SLC5A8: variants seen among roughly 807,000 people sequenced by gnomAD.
SLC5A8 encodes the protein solute carrier family 5 member 8.
In SLC5A8, 55 loss-of-function variants were observed where a neutral mutation model predicts 71.9. That is an observed-to-expected ratio of 0.77 (90% CI 0.62 to 0.96). The LOEUF is 0.96. Among genes scored for constraint, SLC5A8 ranks in the 40% least tolerant of loss-of-function variants. The pLI, the probability that SLC5A8 is intolerant of heterozygous loss-of-function variation, is 0.00. For missense variants in SLC5A8, 701 were observed against 745.3 expected, an observed-to-expected ratio of 0.94 and a Z score of 0.69; for synonymous variants, 307 against 276.1, an observed-to-expected ratio of 1.11 and a Z score of -1.11.
At chr12:101,168,285 T>C (rs1222244985) in intron 10 of SLC5A8, 103 bp from the exon 11 acceptor site, 60 of 1,104,874 alleles carry the variant, frequency 5.4e-5, no homozygotes, top group Non-Finnish European at 7.7e-6. Flanking sequence ...TCGGCCTCCT[T>C]CTGAAAATCA....
At chr12:101,207,420 G>A (rs1227629643) in intron 1 of SLC5A8, among the ~76,000 whole-genome samples, 2 of 152,226 alleles carry the variant, frequency 1.3e-5, no homozygotes, top group African/African-American at 4.8e-5. Context: ...GATAATGTAT[G>A]TAAAACATGC....
At chr12:101,190,923 T>C (rs1868879925) in intron 5 of SLC5A8, among the ~76,000 whole-genome samples, 1 of 152,106 alleles carries the variant, frequency 6.6e-6, no homozygotes, top group Non-Finnish European at 1.5e-5. Context: ...TCTGACATGA[T>C]ATAATCAGAG....
intron 10 of SLC5A8, among the ~76,000 whole-genome samples, chr12:101,172,236 C>A (rs2051836672): frequency 1.3e-5 from 2 of 151,124 alleles, no homozygotes; most frequent in African/African-American, 4.9e-5. Context: ...GCAAATATAC[C>A]AGTAAAGGTC....
At chr12:101,174,019 G>T (rs749854526) in intron 10 of SLC5A8, among the ~76,000 whole-genome samples, 1 of 152,152 alleles carries the variant, frequency 6.6e-6, no homozygotes, top group Non-Finnish European at 1.5e-5. Context: ...TTTCACAACA[G>T]AGGCACAGAC....
intron 10 of SLC5A8, among the ~76,000 whole-genome samples, chr12:101,174,625 G>C (rs1228011268): frequency 2.0e-5 from 3 of 152,112 alleles, no homozygotes; most frequent in Non-Finnish European, 4.4e-5. Context: ...GGAAATCCCT[G>C]AGCCAGGGTT....
chr12:101,174,972 G>A (rs975269625), intron 10 of SLC5A8, among the ~76,000 whole-genome samples: 3 of 151,794 alleles, frequency 2.0e-5, no homozygotes, highest in South Asian at 2.1e-4. Context: ...AAAGATTACA[G>A]AAACAGAATT....
intron 10 of SLC5A8, among the ~76,000 whole-genome samples, chr12:101,168,729 T>C (rs560711537): frequency 6.6e-6 from 1 of 152,352 alleles, no homozygotes; most frequent in Non-Finnish European, 1.5e-5. Context: ...ACTGCAACCT[T>C]TGCTTTGATG....
At chr12:101,204,189 TG>T (rs1237700391) in intron 2 of SLC5A8, among the ~76,000 whole-genome samples, 6 of 152,254 alleles carry the variant, frequency 3.9e-5, no homozygotes, top group Non-Finnish European at 8.8e-5. Context: ...CATGTAGTAA[TG>T]CCCTTCCTGT....
intron 12 of SLC5A8, among the ~76,000 whole-genome samples, chr12:101,164,603 C>T (rs946502516): frequency 2.5e-4 from 38 of 152,010 alleles, no homozygotes; most frequent in African/African-American, 9.2e-4. Flanking sequence ...GCTTTTGCAC[C>T]GGTCGTTTCT....
At chr12:101,208,823 A>G (rs1360270129) in intron 1 of SLC5A8, among the ~76,000 whole-genome samples, 1 of 152,170 alleles carries the variant, frequency 6.6e-6, no homozygotes, top group Non-Finnish European at 1.5e-5. Context: ...TCTAAATGCT[A>G]CACCTTGCAT....
intron 2 of SLC5A8, among the ~76,000 whole-genome samples, chr12:101,202,813 A>C (rs924626135): frequency 6.6e-6 from 1 of 152,186 alleles, no homozygotes; most frequent in African/African-American, 2.4e-5. Flanking sequence ...GTAGTGAGTA[A>C]GATAAATACG....
rs1312106966 is a variant in SLC5A8, at chr12:101,183,098, T to C, written c.1053-183A>G. On this transcript the variant is annotated intron_variant, in intron 8 of 14. Coordinates refer to ENST00000536262, the MANE Select transcript of SLC5A8 (RefSeq NM_145913.5). ...TCTCGCTCTGTCGCCCAGGCTGGAGTGCAATGGCATGATCTCGACTCACTG... is the reference window on the plus strand; with the variant it reads ...TCTCGCTCTGTCGCCCAGGCTGGAGCGCAATGGCATGATCTCGACTCACTG... Among the ~76,000 whole-genome samples, 8 of 128,884 alleles carry C rather than the reference T, an allele frequency of 6.2e-5. No individual in the cohort carries two copies. In the Admixed American group the frequency reaches 7.8e-4, roughly 12 times the overall value. The allele number at this position is 128,884 out of a possible 152,430, so 84.6% of individuals were successfully genotyped here.
intron 11 of SLC5A8, 145 bp downstream of exon 11, chr12:101,167,951 C>T: frequency 1.3e-6 from 1 of 794,748 alleles, no homozygotes; most frequent in East Asian, 2.7e-5. Flanking sequence ...TCCTTGTACA[C>T]TCCACCAAAG....
rs1158781015 is a variant in SLC5A8, at chr12:101,209,697, C to G, written c.152G>C (p.Arg51Thr). The G allele has an allele frequency of 6.2e-7, 1 of 1,613,480 alleles. No homozygotes were observed. Among genetic ancestry groups the G allele is most frequent in the East Asian group, 2.2e-5 (1 of 44,866 alleles). The part of the protein sequence containing the change: ...TSKDFLMGGR[R>T]MTAVPVALSL... ...CAGCGCCACGGGCACTGCGGTCATT[C>G]TGCGGCCGCCCATCAGGAAGTCCTT... is the stretch of plus-strand genomic sequence containing the variant. The change falls in exon 1 of 15, where the codon AGA (arginine) becomes ACA (threonine). Residue 51 changes from arginine to threonine, a missense_variant. Physicochemically the swap from Arg to Thr is moderately conservative, Grantham distance 71. Coordinates refer to ENST00000536262, the MANE Select transcript of SLC5A8 (RefSeq NM_145913.5).
chr12:101,190,618 A>G lies in SLC5A8; in HGVS notation c.693-10T>C. 2 of 1,589,918 alleles carry G rather than the reference A, an allele frequency of 1.3e-6. No individual in the cohort carries two copies. Among genetic ancestry groups the G allele is most frequent in the African/African-American group, 1.4e-5 (1 of 73,508 alleles). ...AGGGTTAGGATTAAAACTAAATGAC[A>G]AGAAACAGAAAACAAATCTGAACTA... On this transcript the variant is annotated splice_polypyrimidine_tract_variant and intron_variant, in intron 5 of 14. Coordinates refer to ENST00000536262, the MANE Select transcript of SLC5A8 (RefSeq NM_145913.5).
intron 3 of SLC5A8, among the ~76,000 whole-genome samples, chr12:101,201,740 T>C (rs1025796597): frequency 6.6e-6 from 1 of 152,170 alleles, no homozygotes; most frequent in Non-Finnish European, 1.5e-5. Context: ...TTGGGCCTTA[T>C]TAGAAGTGTG....
chr12:101,197,274 G>A (rs541077968), intron 3 of SLC5A8, among the ~76,000 whole-genome samples: 1 of 152,218 alleles, frequency 6.6e-6, no homozygotes, highest in South Asian at 2.1e-4. Context: ...TCTAACTAAT[G>A]AAGAAGAATT....
At chr12:101,161,882 A>T (rs1306944409) in intron 13 of SLC5A8, 92 bp downstream of exon 13, 3 of 923,430 alleles carry the variant, frequency 3.2e-6, no homozygotes, top group Non-Finnish European at 5.1e-6. Flanking sequence ...TGGCAATAGG[A>T]TCATAGTAAA....
chr12:101,205,961 G>A (rs544425067), intron 1 of SLC5A8, among the ~76,000 whole-genome samples: 2 of 152,284 alleles, frequency 1.3e-5, no homozygotes, highest in South Asian at 4.1e-4. Flanking sequence ...TAGTACACTG[G>A]AGGAAGAGTT....
Sources: allele counts gnomAD v4.1 joint callset (sites outside exome capture counted in the v4.1 genomes callset), GRCh38; gene constraint gnomAD v4.1.1; transcripts MANE v1.5; gene names NCBI Gene and HGNC (gene_info 2026-07-23, HGNC 2026-07-21).